Variants in RARB observed in about 807,000 individuals in gnomAD.
The protein encoded by RARB is retinoic acid receptor beta.
Under a neutral mutation model 51.9 loss-of-function variants are expected in RARB, and 17 were observed. The observed-to-expected ratio is 0.33, with a 90% CI of 0.22 to 0.49. The LOEUF is 0.49. RARB is among the 20% of genes least tolerant of loss of function. RARB has a pLI of 0.99. For missense variants in RARB, 369 were observed against 550.8 expected (o/e 0.67, Z 3.30); for synonymous variants, 215 against 195.4 (o/e 1.10, Z -0.84).
rs138649959 is a variant in RARB at position 25,120,527 on chromosome 3, A to ATCTCTCTCTCTCTCTCTCTC, written c.-327-11617_-327-11598dup. On this transcript the variant is annotated intron_variant, in intron 3 of 11. Coordinates refer to the RARB transcript ENST00000383772. The stretch of plus-strand genomic sequence containing the variant: ...AAGAAATATAAATATATATATAAAA[A>ATCTCTCTCTCTCTCTCTCTC]TCTCTCTCTCTCTCTCTCTCTCTCT... 5.6e-3 allele frequency among the ~76,000 whole-genome samples: 767 copies of ATCTCTCTCTCTCTCTCTCTC among 136,084 alleles called. 19 individuals carry two copies. The highest frequency in any genetic ancestry group is 0.02 in the African/African-American group (706 of 35,578). The allele number at this position is 136,084 out of a possible 152,430, so 89.3% of individuals were successfully genotyped here.
intron 2 of RARB, among the ~76,000 whole-genome samples, chr3:24,877,123 C>T (rs902855971): frequency 2.4e-4 from 37 of 152,042 alleles, no homozygotes; most frequent in African/African-American, 8.9e-4. Flanking sequence ...TGGTTAGATG[C>T]ACAATGTAAA....
intron 5 of RARB, among the ~76,000 whole-genome samples, chr3:25,256,906 C>T (rs1053855057): frequency 3.3e-5 from 5 of 152,082 alleles, no homozygotes; most frequent in Admixed American, 3.3e-4. Flanking sequence ...GTCTCAGCGT[C>T]TTCTCATTGA....
At chr3:25,326,285 T>A (rs997318744) in intron 5 of RARB, among the ~76,000 whole-genome samples, 3 of 152,038 alleles carry the variant, frequency 2.0e-5, no homozygotes, top group Non-Finnish European at 2.9e-5. Context: ...CCTCTAACAG[T>A]AGAACAAAGA....
At chr3:24,848,787 T>C (rs1251105735) in intron 1 of RARB, among the ~76,000 whole-genome samples, 1 of 152,228 alleles carries the variant, frequency 6.6e-6, no homozygotes, top group Non-Finnish European at 1.5e-5. Context: ...CCTAGAGAGT[T>C]ACTTAAAGGA....
At chr3:25,580,271 A>G (rs7634756) in intron 4 of RARB, among the ~76,000 whole-genome samples, 12,411 of 152,212 alleles carry the variant, frequency 0.082, 1,007 homozygotes, top group African/African-American at 0.21. Flanking sequence ...CTACTTGGGA[A>G]GCTGAGGCAG....
intron 3 of RARB, among the ~76,000 whole-genome samples, chr3:25,565,925 G>T (rs1230457753): frequency 6.6e-6 from 1 of 152,158 alleles, no homozygotes; most frequent in South Asian, 2.1e-4. Flanking sequence ...GTGGTAAGTG[G>T]TGGAGCTAGC....
chr3:25,100,932 C>T (rs965553516), intron 3 of RARB, among the ~76,000 whole-genome samples: 1 of 152,172 alleles, frequency 6.6e-6, no homozygotes. Flanking sequence ...TGGCTCTTAG[C>T]CCTACACTCG....
chr3:25,136,852 A>C (rs994729344), intron 4 of RARB, among the ~76,000 whole-genome samples: 1 of 152,048 alleles, frequency 6.6e-6, no homozygotes, highest in Non-Finnish European at 1.5e-5. Context: ...GGTGGTGTCC[A>C]TAGCAGATCA....
intron 2 of RARB, among the ~76,000 whole-genome samples, chr3:24,884,299 A>G (rs147320503): frequency 6.6e-6 from 1 of 152,178 alleles, no homozygotes; most frequent in East Asian, 1.9e-4. Flanking sequence ...TGGAAGGGCA[A>G]TGTCATATTA....
At chr3:25,359,185 G>A (rs889506348) in intron 5 of RARB, among the ~76,000 whole-genome samples, 17 of 151,898 alleles carry the variant, frequency 1.1e-4, no homozygotes, top group Non-Finnish European at 2.1e-4. Context: ...TCAGGGATTC[G>A]ACGTCTTCCT....
rs73821763 is a variant in RARB at position 25,215,165 on chromosome 3, G to A, written c.178+40590G>A. On this transcript the variant is annotated intron_variant, in intron 5 of 11. Transcript: ENST00000383772. The stretch of plus-strand genomic sequence containing the variant: ...GTGTCAGTACCTTAGCTTCTGTTTC[G>A]TTTGGTTTTGGATGAAGCCTGGGCA... Among the ~76,000 whole-genome samples the A allele has an allele frequency of 9.5e-3, 1,453 of 152,232 alleles. 23 individuals are homozygous for A. The highest frequency in any genetic ancestry group is 0.033 in the African/African-American group (1,378 of 41,512).
At chr3:24,971,458 G>T (rs1047667728) in intron 2 of RARB, among the ~76,000 whole-genome samples, 1 of 152,002 alleles carries the variant, frequency 6.6e-6, no homozygotes, top group Non-Finnish European at 1.5e-5. Context: ...GGATAACAGT[G>T]TTTTAACTCA....
At chr3:24,879,066 A>T (rs7633613) in intron 2 of RARB, among the ~76,000 whole-genome samples, 27,211 of 151,710 alleles carry the variant, frequency 0.18, 3,804 homozygotes, top group East Asian at 0.49. Context: ...TGTTTTATAT[A>T]TTTTTTTTCT....
At chr3:25,424,132 G>A (rs1575390605), upstream of RARB, among the ~76,000 whole-genome samples, 1 of 152,212 alleles carries the variant, frequency 6.6e-6, no homozygotes, top group Admixed American at 6.5e-5. Flanking sequence ...GCCAAATGAA[G>A]GACACGGTGG....
intron 5 of RARB, among the ~76,000 whole-genome samples, chr3:25,361,769 G>A (rs765456889): frequency 6.6e-6 from 1 of 152,182 alleles, no homozygotes; most frequent in Non-Finnish European, 1.5e-5. Flanking sequence ...GTTTGCTGGG[G>A]TCCATTCCAG....
At chr3:25,556,605 G>A (rs1472477296) in intron 3 of RARB, among the ~76,000 whole-genome samples, 1 of 152,164 alleles carries the variant, frequency 6.6e-6, no homozygotes, top group African/African-American at 2.4e-5. Flanking sequence ...TAAATTACTG[G>A]CTTAAATGTG....
At chr3:25,246,614 C>T (rs1213011087) in intron 5 of RARB, among the ~76,000 whole-genome samples, 1 of 152,150 alleles carries the variant, frequency 6.6e-6, no homozygotes, top group Non-Finnish European at 1.5e-5. Flanking sequence ...TGGGGTTCCA[C>T]TCCAGATCCT....
At chr3:25,041,952 T>G (rs1190572037) in intron 2 of RARB, among the ~76,000 whole-genome samples, 1 of 152,108 alleles carries the variant, frequency 6.6e-6, no homozygotes, top group African/African-American at 2.4e-5. Flanking sequence ...AGTTAAAGCT[T>G]GATATCACAA....
intron 2 of RARB, among the ~76,000 whole-genome samples, chr3:24,932,012 A>G (rs1337831661): frequency 6.6e-6 from 1 of 152,088 alleles, no homozygotes; most frequent in African/African-American, 2.4e-5. Context: ...GGTGATTCCA[A>G]CTGAATGCCA....
Sources: gnomAD v4.1 joint callset for allele counts (sites outside exome capture counted in the v4.1 genomes callset) on GRCh38, gnomAD v4.1.1 for gene constraint, MANE v1.5 for transcripts, NCBI Gene and HGNC (gene_info 2026-07-23, HGNC 2026-07-21) for gene names.